Variants in SSH1 observed in about 807,000 individuals in gnomAD.
SSH1 encodes protein phosphatase Slingshot homolog 1.
A neutral mutation model predicts 79.7 loss-of-function variants in SSH1; 43 were observed. The ratio of observed to expected loss-of-function variants is 0.54; its 90% confidence interval spans 0.42 to 0.70. The LOEUF (loss-of-function observed/expected upper bound fraction) is 0.70. SSH1 is among the 30% of genes least tolerant of loss of function. The probability of loss-of-function intolerance (pLI) is 0.00; values close to 1 mark genes in which losing one functional copy is unlikely to be tolerated. For synonymous variants in SSH1, 599 were observed against 538.3 expected (o/e 1.11, Z -1.56); for missense variants, 1,206 against 1,358.8 (o/e 0.89, Z 1.77).
rs537240740 is a variant in SSH1, at chr12:108,841,621, A to C, written c.110+11017T>G. Among the ~76,000 whole-genome samples the C allele has an allele frequency of 5.3e-5, 8 of 152,106 alleles. No homozygotes were observed. In the South Asian group the frequency reaches 1.7e-3, roughly 32 times the overall value. On this transcript the variant is annotated intron_variant, in intron 2 of 14. Transcript: ENST00000326495. ...TCAGGAGTTCGAGACCAACCTGGCC[A>C]ACATGGTGAAACCCCGTCTCTACTA...
chr12:108,823,464 G>A lies in SSH1; in HGVS notation c.111-103C>T, dbSNP rs1352391790. 11 of 905,928 alleles carry A rather than the reference G, an allele frequency of 1.2e-5. No individual in the cohort carries two copies. The Admixed American group carries it at 2.0e-4, about 16-fold the overall frequency. The allele number at this position is 905,928 out of a possible 1,614,324, so 56.1% of individuals were successfully genotyped here. On this transcript the variant is annotated intron_variant, in intron 2 of 14. Transcript: ENST00000326495. The stretch of plus-strand genomic sequence containing the variant: ...AAGCTTTAGCGTGGACAAATGGCAT[G>A]TAAAATGCAAATAGGATGAAACTGC...
intron 2 of SSH1, among the ~76,000 whole-genome samples, chr12:108,839,987 A>G (rs534346486): frequency 1.3e-5 from 2 of 152,214 alleles, no homozygotes; most frequent in Non-Finnish European, 2.9e-5. Context: ...AGGGTCAGAC[A>G]TGCAAGTGAG....
chr12:108,821,952 C>A (rs1022225249), intron 3 of SSH1, among the ~76,000 whole-genome samples: 1 of 152,204 alleles, frequency 6.6e-6, no homozygotes, highest in Non-Finnish European at 1.5e-5. Context: ...AAGGTAAAGG[C>A]CTTCTCAGCT....
intron 2 of SSH1, among the ~76,000 whole-genome samples, chr12:108,842,131 A>G (rs934123330): frequency 2.0e-5 from 3 of 152,192 alleles, no homozygotes; most frequent in Non-Finnish European, 4.4e-5. Flanking sequence ...TCTGTCTCAA[A>G]AAGAAGAAAA....
chr12:108,790,126 T>C (rs1328827777), intron 14 of SSH1, among the ~76,000 whole-genome samples: 1 of 149,604 alleles, frequency 6.7e-6, no homozygotes, highest in African/African-American at 2.4e-5. Flanking sequence ...ATCACCCACC[T>C]GCTTAAAGGC....
At position 108,807,716 on chromosome 12, in the gene SSH1, G is replaced by C; in HGVS notation, c.648C>G (p.Ser216=). ...WATYYESCIS[S]EQSCINEWNA... is the part of the protein sequence containing the mutation. ...TCCACTCGTTGATGCAGCTCTGCTCGGAGCTGATGCAGCTCTCATAGTAGG... is the reference window on the plus strand; with the variant it reads ...TCCACTCGTTGATGCAGCTCTGCTCCGAGCTGATGCAGCTCTCATAGTAGG... Residue 216 remains serine (S), a synonymous_variant, in exon 8 of 15, where the codon TCC becomes TCG. Transcript: ENST00000326495. The surrounding 1 kb of genome is among the most constrained non-coding windows in gnomAD (Gnocchi z 5.2). The C allele has an allele frequency of 8.1e-6, 13 of 1,613,276 alleles. No homozygotes were observed. The highest frequency in any genetic ancestry group is 1.1e-5 in the South Asian group (1 of 91,036).
chr12:108,827,623 C>A, intron 2 of SSH1: 1 of 1,161,988 alleles, frequency 8.6e-7, no homozygotes, highest in Non-Finnish European at 1.1e-6. Flanking sequence ...CTAATCACTG[C>A]ACTCCTACGG....
intron 13 of SSH1, among the ~76,000 whole-genome samples, chr12:108,794,265 G>A (rs1210043543): frequency 2.6e-5 from 4 of 152,228 alleles, no homozygotes; most frequent in Non-Finnish European, 4.4e-5. Flanking sequence ...CCCAGGCTCT[G>A]GGCTTCCAAC....
intron 2 of SSH1, among the ~76,000 whole-genome samples, chr12:108,827,707 G>C (rs914512360): frequency 6.6e-6 from 1 of 152,134 alleles, no homozygotes; most frequent in Non-Finnish European, 1.5e-5. Flanking sequence ...CTGGCCCCAA[G>C]GAACCAACCC....
chr12:108,856,956 G>A (rs1372388573), intron 1 of SSH1, among the ~76,000 whole-genome samples: 3 of 152,208 alleles, frequency 2.0e-5, no homozygotes, highest in Non-Finnish European at 4.4e-5. Context: ...CCAGACAGAG[G>A]TCAACCCAAG....
intron 2 of SSH1, among the ~76,000 whole-genome samples, chr12:108,828,216 G>A (rs964173098): frequency 1.3e-5 from 2 of 152,188 alleles, no homozygotes; most frequent in Non-Finnish European, 2.9e-5. Flanking sequence ...AAGCAGCACT[G>A]AGTAGGGGCT....
chr12:108,792,880 G>A (rs922865630), intron 13 of SSH1, 51 bp from the exon 14 acceptor site: 2 of 1,609,722 alleles, frequency 1.2e-6, no homozygotes, highest in Non-Finnish European at 8.5e-7. Context: ...TGGTGCCTGG[G>A]GGTGCTGGGA....
At chr12:108,821,414 TAA>T (rs879429154) in intron 3 of SSH1, among the ~76,000 whole-genome samples, 2 of 140,734 alleles carry the variant, frequency 1.4e-5, no homozygotes, top group Non-Finnish European at 1.6e-5. Flanking sequence ...TTCATATAAT[TAA>T]AAAAAAAAAA....
At chr12:108,824,229 A>C (rs941448439) in intron 2 of SSH1, among the ~76,000 whole-genome samples, 8 of 152,150 alleles carry the variant, frequency 5.3e-5, no homozygotes, top group Non-Finnish European at 1.2e-4. Flanking sequence ...GGATCACTTG[A>C]GGTCAGGAGT....
At chr12:108,853,128 G>C in intron 1 of SSH1, 2 of 985,362 alleles carry the variant, frequency 2.0e-6, no homozygotes, top group Non-Finnish European at 2.4e-6. Context: ...AACCAACCCA[G>C]GCAAGACTTG....
rs747534856 is a variant in SSH1 at position 108,792,335 on chromosome 12, G to A, written c.1844C>T (p.Ser615Leu). 125 of 1,614,044 alleles carry A rather than the reference G, an allele frequency of 7.7e-5. No individual in the cohort carries two copies. Among genetic ancestry groups the A allele is most frequent in the Non-Finnish European group, 9.7e-5 (115 of 1,180,032 alleles). The change falls in exon 14 of 15, where the codon TCG becomes TTG. Residue 615 changes from serine (S) to leucine (L), a missense_variant. Ser to Leu is a moderately radical substitution (Grantham distance 145). Transcript: ENST00000326495. The part of the protein sequence containing the change: ...PTQLDQNLLN[S>L]ENLNNNSKRS... ...CTTGCTGTTGTTGTTTAGGTTCTCCGAGTTGAGCAGGTTTTGATCGAGCTG... is the reference window on the plus strand; with the variant it reads ...CTTGCTGTTGTTGTTTAGGTTCTCCAAGTTGAGCAGGTTTTGATCGAGCTG...
At chr12:108,802,258 T>C (rs978467389) in intron 11 of SSH1, 64 bp downstream of exon 11, 20 of 1,464,316 alleles carry the variant, frequency 1.4e-5, no homozygotes, top group Non-Finnish European at 1.8e-5. Context: ...TCCCCCTCCA[T>C]GGCAGAGTGG....
rs571544118 is a variant in SSH1 at position 108,802,154 on chromosome 12, T to C, written c.1001+168A>G. On this transcript the variant is annotated intron_variant, in intron 11 of 14. Transcript: ENST00000326495. Reference sequence around the variant, plus strand: ...CCATGAATTATTCAGGGCGTGGTGTTTGGAAGCACATCTGTTTAGCTATGC... The same window carrying C: ...CCATGAATTATTCAGGGCGTGGTGTCTGGAAGCACATCTGTTTAGCTATGC... Among the ~76,000 whole-genome samples the C allele has an allele frequency of 4.6e-5, 7 of 152,294 alleles. No homozygotes were observed. The East Asian group carries it at 1.4e-3, about 29-fold the overall frequency.
chr12:108,788,658 T>G lies in SSH1; in HGVS notation c.2480A>C (p.Lys827Thr). Residue 827 changes from lysine to threonine, a missense_variant, in exon 15 of 15, where the codon AAA becomes ACA. Around this residue, in one of 5 missense-constraint regions of SSH1, gnomAD observed 709 missense variants for 730.6 expected, o/e 0.97. Transcript: ENST00000326495. ...QKAGLVRKHT[K>T]ELERLKSVPA... ...CACGCTCTTCAGCCGCTCTAGCTCT[T>G]TGGTGTGCTTGCGGACCAAGCCTGC... is the stretch of plus-strand genomic sequence containing the variant. The G allele has an allele frequency of 6.2e-7, 1 of 1,614,010 alleles. No homozygotes were observed. Among genetic ancestry groups the G allele is most frequent in the Non-Finnish European group, 8.5e-7 (1 of 1,180,000 alleles).
Sources: allele counts gnomAD v4.1 joint callset (sites outside exome capture counted in the v4.1 genomes callset), GRCh38; gene constraint gnomAD v4.1.1; regional missense constraint gnomAD v4.1.1; non-coding constraint Gnocchi (gnomAD v3.1); transcripts MANE v1.5; gene names NCBI Gene and HGNC (gene_info 2026-07-23, HGNC 2026-07-21).